LRMDA: variants seen among roughly 807,000 people sequenced by gnomAD.
LRMDA encodes the protein leucine rich melanocyte differentiation associated, also known as leucine-rich melanocyte differentiation-associated protein.
A neutral mutation model predicts 29.8 loss-of-function variants in LRMDA; 18 were observed. The observed-to-expected ratio is 0.60, with a 90% CI of 0.42 to 0.90. The LOEUF (loss-of-function observed/expected upper bound fraction) is 0.90, where lower values mean the gene tolerates loss of function less well. Ranked by LOEUF, LRMDA falls within the 40% of genes least tolerant of loss-of-function variation. The probability of loss-of-function intolerance (pLI) is 0.00; values close to 1 mark genes in which losing one functional copy is unlikely to be tolerated. For synonymous variants in LRMDA, 125 were observed against 109.4 expected (o/e 1.14, Z -0.89); for missense variants, 273 against 273.9 (o/e 1.00, Z 0.02).
At chr10:76,450,222 A>C (rs1420939386) in intron 6 of LRMDA, among the ~76,000 whole-genome samples, 2 of 152,038 alleles carry the variant, frequency 1.3e-5, no homozygotes, top group Non-Finnish European at 2.9e-5. Flanking sequence ...AAACCTCTTA[A>C]GTTATAGACT....
intron 2 of LRMDA, among the ~76,000 whole-genome samples, chr10:75,667,056 A>T (rs1390663718): frequency 1.3e-5 from 2 of 152,184 alleles, no homozygotes; most frequent in South Asian, 2.1e-4. Flanking sequence ...TCCAAGAGTC[A>T]TAGAATCTAA....
intron 2 of LRMDA, among the ~76,000 whole-genome samples, chr10:75,715,973 T>C (rs1197535942): frequency 1.3e-5 from 2 of 152,194 alleles, no homozygotes; most frequent in African/African-American, 2.4e-5. Context: ...AGTATCACAA[T>C]CATCTACTTT....
At chr10:75,926,558 T>G (rs1846123206) in intron 2 of LRMDA, among the ~76,000 whole-genome samples, 2 of 152,364 alleles carry the variant, frequency 1.3e-5, no homozygotes, top group South Asian at 4.1e-4. Flanking sequence ...CTTGATTTTA[T>G]GCAGTATACT....
intron 2 of LRMDA, among the ~76,000 whole-genome samples, chr10:75,652,615 T>C (rs1841613747): frequency 6.6e-6 from 1 of 152,234 alleles, no homozygotes; most frequent in Non-Finnish European, 1.5e-5. Context: ...ACTGACTTTC[T>C]CATAAAATGT....
At chr10:76,105,169 G>A (rs10824367) in intron 5 of LRMDA, among the ~76,000 whole-genome samples, 56,212 of 151,964 alleles carry the variant, frequency 0.37, 11,642 homozygotes, top group Non-Finnish European at 0.46. Flanking sequence ...CACTTACCAC[G>A]TTTTAAGAAA....
intron 2 of LRMDA, among the ~76,000 whole-genome samples, chr10:75,690,959 C>T (rs1185858023): frequency 7.3e-6 from 1 of 137,618 alleles, no homozygotes; most frequent in Non-Finnish European, 1.5e-5. Context: ...CAGAGCAAGA[C>T]CCTGTCTCTT....
chr10:76,445,913 A>G (rs996173764), intron 6 of LRMDA, among the ~76,000 whole-genome samples: 1 of 152,224 alleles, frequency 6.6e-6, no homozygotes, highest in Non-Finnish European at 1.5e-5. Flanking sequence ...ATTTTGTCAT[A>G]TGGACTTCAG....
At chr10:75,827,225 G>A (rs966827648) in intron 2 of LRMDA, among the ~76,000 whole-genome samples, 2 of 152,160 alleles carry the variant, frequency 1.3e-5, no homozygotes, top group Non-Finnish European at 2.9e-5. Context: ...CAGGTAGAAT[G>A]GGGTGGCACG....
At chr10:75,677,734 G>A (rs1378933195) in intron 2 of LRMDA, among the ~76,000 whole-genome samples, 1 of 152,168 alleles carries the variant, frequency 6.6e-6, no homozygotes, top group Non-Finnish European at 1.5e-5. Flanking sequence ...ATGATTAACA[G>A]TGTGGATTTT....
At chr10:76,164,522 G>A (rs1850700225) in intron 5 of LRMDA, among the ~76,000 whole-genome samples, 2 of 152,078 alleles carry the variant, frequency 1.3e-5, no homozygotes, top group African/African-American at 2.4e-5. Context: ...ATTTGTAAAA[G>A]GTGGCAAAAA....
At chr10:75,481,821 G>A (rs1589155969) in intron 2 of LRMDA, among the ~76,000 whole-genome samples, 2 of 152,172 alleles carry the variant, frequency 1.3e-5, no homozygotes, top group South Asian at 4.2e-4. Flanking sequence ...GCCTTGAGCT[G>A]GTCATGTCTC....
chr10:75,578,023 G>A (rs892317408), intron 2 of LRMDA, among the ~76,000 whole-genome samples: 1 of 151,732 alleles, frequency 6.6e-6, no homozygotes, highest in Non-Finnish European at 1.5e-5. Context: ...GGCAGGATCA[G>A]TTTCACACAT....
intron 6 of LRMDA, among the ~76,000 whole-genome samples, chr10:76,442,811 A>C (rs548680263): frequency 1.3e-4 from 20 of 152,286 alleles, no homozygotes; most frequent in African/African-American, 4.1e-4. Context: ...CTTCTGCGAC[A>C]AGTCTTACGT....
intron 2 of LRMDA, among the ~76,000 whole-genome samples, chr10:75,845,685 A>G (rs985114124): frequency 2.0e-5 from 3 of 152,064 alleles, no homozygotes; most frequent in Non-Finnish European, 4.4e-5. Flanking sequence ...TCTTATTTTG[A>G]GTGTTTGATT....
At chr10:76,206,445 A>G (rs1163007617) in intron 5 of LRMDA, among the ~76,000 whole-genome samples, 1 of 152,154 alleles carries the variant, frequency 6.6e-6, no homozygotes, top group Non-Finnish European at 1.5e-5. Context: ...ACAGGAAAGT[A>G]TGCATGTCTG....
chr10:76,324,262 G>T (rs1302738156), intron 5 of LRMDA, 139 bp from the exon 6 acceptor site: 11 of 775,518 alleles, frequency 1.4e-5, no homozygotes, highest in Non-Finnish European at 2.2e-5. Context: ...AACAAAAACA[G>T]CTCTTGCTTC....
chr10:76,453,387 C>T (rs1050866830), intron 6 of LRMDA, among the ~76,000 whole-genome samples: 1 of 152,176 alleles, frequency 6.6e-6, no homozygotes, highest in African/African-American at 2.4e-5. Context: ...AAATAGGAGC[C>T]AAGCCCTTCA....
intron 2 of LRMDA, among the ~76,000 whole-genome samples, chr10:75,885,731 CTGAA>C (rs1845377137): frequency 6.6e-6 from 1 of 152,210 alleles, no homozygotes; most frequent in Admixed American, 6.5e-5. Context: ...TTGGGACTGA[CTGAA>C]TATGAAGTAT....
intron 5 of LRMDA, among the ~76,000 whole-genome samples, chr10:76,110,319 C>G (rs545270432): frequency 1.8e-4 from 28 of 152,338 alleles, no homozygotes; most frequent in Admixed American, 1.2e-3. Flanking sequence ...CAAACCATAT[C>G]ATGTTCATGG....
Sources: gnomAD v4.1 joint callset for allele counts (sites outside exome capture counted in the v4.1 genomes callset) on GRCh38, gnomAD v4.1.1 for gene constraint, MANE v1.5 for transcripts, NCBI Gene and HGNC (gene_info 2026-07-23, HGNC 2026-07-21) for gene names.